PLEKHG4B: variants seen among roughly 807,000 people sequenced by gnomAD.
PLEKHG4B encodes pleckstrin homology and RhoGEF domain containing G4B, also known as pleckstrin homology domain-containing family G member 4B.
A neutral mutation model predicts 121.3 loss-of-function variants in PLEKHG4B; 111 were observed. That is an observed-to-expected ratio of 0.92 (90% CI 0.78 to 1.07). The LOEUF is 1.07. Among genes scored for constraint, PLEKHG4B ranks in the 50% least tolerant of loss-of-function variants. The probability of loss-of-function intolerance (pLI) is 0.00; values close to 1 mark genes in which losing one functional copy is unlikely to be tolerated. For missense variants in PLEKHG4B, 1,831 were observed against 1,757.8 expected, an observed-to-expected ratio of 1.04 and a Z score of -0.74; for synonymous variants, 738 against 725.0, an observed-to-expected ratio of 1.02 and a Z score of -0.29.
At position 99,879 on chromosome 5, in the gene PLEKHG4B, C is replaced by T. The variant is rs181661061; in HGVS notation, c.45+7603C>T. ...TGTGTTTTTCATAAATACCTTTTAT[C>T]ATATGGAGGAAGTTTCTTTCTATTC... On this transcript the variant is annotated intron_variant, in intron 1 of 19. Coordinates refer to ENST00000637938, the MANE Select transcript of PLEKHG4B (RefSeq NM_052909.5). Among the ~76,000 whole-genome samples, 314 of 152,158 alleles carry T rather than the reference C, an allele frequency of 2.1e-3. 1 individual carries two copies. The highest frequency in any genetic ancestry group is 4.5e-3 in the Admixed American group (69 of 15,296).
chr5:152,113 G>C (rs1423619075), intron 7 of PLEKHG4B, among the ~76,000 whole-genome samples: 1 of 150,712 alleles, frequency 6.6e-6, no homozygotes, highest in Non-Finnish European at 1.5e-5. Flanking sequence ...AGCGGGCTTG[G>C]TTTTCTTCAT....
intron 18 of PLEKHG4B, among the ~76,000 whole-genome samples, chr5:175,942 C>T (rs566433699): frequency 6.9e-4 from 49 of 71,398 alleles, no homozygotes; most frequent in Admixed American, 1.3e-3. Flanking sequence ...GGCTCCTGCA[C>T]GGCTGCACCC....
In PLEKHG4B at chr5:183,997, A is replaced by ATAGATAGG. The variant is rs1733525738; in HGVS notation, c.*1681_*1682insGTAGATAG. ...GATAGATAGATAGATAGATCGATAG[A>ATAGATAGG]TAGATAGATAGATAGATAGATAGAT... On this transcript the variant is annotated 3_prime_UTR_variant, in exon 20 of 20. Transcript: ENST00000637938. The ATAGATAGG allele has an allele frequency of 7.1e-6, 1 of 140,584 alleles. No individual in the cohort carries two copies. Among genetic ancestry groups the ATAGATAGG allele is most frequent in the Non-Finnish European group, 1.5e-5 (1 of 65,296 alleles). 8.7% of individuals were successfully genotyped at this position (140,584 alleles called of 1,614,324 possible).
rs768495820 is a variant in PLEKHG4B, at chr5:140,581, A to C, written c.1342A>C (p.Arg448=). The change falls in exon 3 of 20, where the codon AGA becomes CGA. Residue 448 remains arginine, a synonymous_variant. Coordinates refer to ENST00000637938, the MANE Select transcript of PLEKHG4B (RefSeq NM_052909.5). The stretch of plus-strand genomic sequence containing the variant: ...CTGGGAAAGGGCACCCAGAAGCTCC[A>C]GAGGGGCCCAGGCTGCAGCCTGCCA... ...RSWERAPRSS[R]GAQAAACHTS... is the part of the protein sequence containing the mutation. 1 of 1,609,392 alleles carries C rather than the reference A, an allele frequency of 6.2e-7. No homozygotes were observed. The highest frequency in any genetic ancestry group is 1.3e-5 in the African/African-American group (1 of 74,874).
At chr5:130,116 C>G (rs191280122) in intron 2 of PLEKHG4B, among the ~76,000 whole-genome samples, 1 of 151,972 alleles carries the variant, frequency 6.6e-6, no homozygotes, top group Admixed American at 6.5e-5. Context: ...CAGAAAAAGA[C>G]AGACTTACTT....
chr5:181,598 G>T lies in PLEKHG4B; in HGVS notation c.4487G>T (p.Cys1496Phe), dbSNP rs1404887089. Residue 1496 changes from cysteine (C) to phenylalanine (F), a missense_variant, in exon 19 of 20, where the codon TGT (cysteine) becomes TTT (phenylalanine). By Grantham distance (205) the Cys-to-Phe change is radical. Coordinates refer to ENST00000637938, the MANE Select transcript of PLEKHG4B (RefSeq NM_052909.5). ...AAGCCCAGAGACCGGACCCCTGACT[G>T]TGCAGTGATAAGCGACCGGGCTCCC... ...DVKPRDRTPD[C>F]AVISDRAPKC... 1 of 1,613,804 alleles carries T rather than the reference G, an allele frequency of 6.2e-7. No homozygotes were observed. Among genetic ancestry groups the T allele is most frequent in the South Asian group, 1.1e-5 (1 of 91,072 alleles).
At chr5:126,907 G>T (rs1254830715) in intron 2 of PLEKHG4B, among the ~76,000 whole-genome samples, 1 of 152,208 alleles carries the variant, frequency 6.6e-6, no homozygotes, top group Non-Finnish European at 1.5e-5. Flanking sequence ...TGAGGAGGTG[G>T]TATTCCATTT....
In PLEKHG4B at chr5:173,959, CTTGAGGT is replaced by C; in HGVS notation, c.4269_4275del (p.Glu1425GlyfsTer29). The C allele has an allele frequency of 6.2e-7, 1 of 1,613,286 alleles. No individual in the cohort carries two copies. Among genetic ancestry groups the C allele is most frequent in the East Asian group, 2.2e-5 (1 of 44,804 alleles). On this transcript the variant is annotated frameshift_variant, in exon 18 of 20. Coordinates refer to ENST00000637938, the MANE Select transcript of PLEKHG4B (RefSeq NM_052909.5). LOFTEE classifies it high-confidence loss of function. ...TGACAGAGAACGTCGGGGACAGTGGCTTGAGGTTTGAGATTTGGTTTCGCAGGCGGCG... is the reference window on the plus strand; with the variant it reads ...TGACAGAGAACGTCGGGGACAGTGGCTTGAGATTTGGTTTCGCAGGCGGCG...
chr5:134,625 G>T (rs1049112140), intron 2 of PLEKHG4B, among the ~76,000 whole-genome samples: 12 of 151,936 alleles, frequency 7.9e-5, no homozygotes, highest in African/African-American at 2.9e-4. Context: ...AATTAGCCAG[G>T]TATGGTGGCG....
intron 14 of PLEKHG4B, 133 bp from the exon 15 acceptor site, chr5:170,910 A>T: frequency 1.5e-6 from 1 of 670,174 alleles, no homozygotes; most frequent in Non-Finnish European, 2.6e-6. Context: ...TCTCCCTTTC[A>T]CCTGATCATG....
Position 156,159 on chromosome 5 carries a change from G to T in PLEKHG4B, c.2297G>T (p.Gly766Val). ...PLLVSLRLEG[G>V]TVLARLRREE... ...CTTGTGTCTCTCAGGCTGGAGGGGG[G>T]CACCGTCCTGGCGCGGCTGAGGAGA... Residue 766 changes from glycine to valine, a missense_variant, in exon 10 of 20, where the codon GGC becomes GTC. Gly to Val is a moderately radical substitution (Grantham distance 109). Coordinates refer to ENST00000637938, the MANE Select transcript of PLEKHG4B (RefSeq NM_052909.5). This position sits in a 1 kb window ranked among gnomAD's most constrained non-coding sequence, Gnocchi z 4.4. 6.3e-7 allele frequency: 1 copy of T among 1,589,548 alleles called. No homozygotes were observed. The highest frequency in any genetic ancestry group is 8.6e-7 in the Non-Finnish European group (1 of 1,168,170).
At chr5:166,319 G>A (rs1438861404) in intron 13 of PLEKHG4B, among the ~76,000 whole-genome samples, 7 of 46,438 alleles carry the variant, frequency 1.5e-4, no homozygotes, top group Non-Finnish European at 2.9e-4. Flanking sequence ...CTGACGGGGC[G>A]GAGCTCACAC....
Position 97,848 on chromosome 5 carries a change from T to C in PLEKHG4B, c.45+5572T>C, listed in dbSNP as rs116731544. The stretch of plus-strand genomic sequence containing the variant: ...TTCTGTCACAGTTCTGTGTAACTTT[T>C]TGACAGACCACCAGACTCGCTCCAT... On this transcript the variant is annotated intron_variant, in intron 1 of 19. Transcript: ENST00000637938. Among the ~76,000 whole-genome samples the C allele has an allele frequency of 7.3e-3, 1,119 of 152,288 alleles. 27 individuals are homozygous for C. The highest frequency in any genetic ancestry group is 0.025 in the African/African-American group (1,046 of 41,510).
Position 156,935 on chromosome 5 carries a change from G to T in PLEKHG4B, c.2487+24G>T. 6.2e-7 allele frequency: 1 copy of T among 1,609,016 alleles called. No individual in the cohort carries two copies. Among genetic ancestry groups the T allele is most frequent in the Non-Finnish European group, 8.5e-7 (1 of 1,178,364 alleles). ...AGGTCAGAGCTGCAGGAGGAAGGCG[G>T]CCCGGTCAGCATCCCCTCCAGGCCA... On this transcript the variant is annotated intron_variant, in intron 11 of 19. Transcript: ENST00000637938. The surrounding 1 kb of genome is among the most constrained non-coding windows in gnomAD (Gnocchi z 4.4).
intron 2 of PLEKHG4B, among the ~76,000 whole-genome samples, chr5:122,061 G>C (rs913981246): frequency 6.6e-6 from 1 of 152,106 alleles, no homozygotes; most frequent in African/African-American, 2.4e-5. Flanking sequence ...ACTACTGAAA[G>C]GTTATTACAT....
chr5:164,779 C>T (rs1218276201), intron 13 of PLEKHG4B, among the ~76,000 whole-genome samples: 1 of 134,016 alleles, frequency 7.5e-6, no homozygotes, highest in Non-Finnish European at 1.6e-5. Flanking sequence ...GCGGAGCTCA[C>T]ACTAATGCTC....
rs7727015 is a variant in PLEKHG4B at position 185,383 on chromosome 5, C to T, written c.*3060C>T. 64,905 of 152,142 alleles carry T rather than the reference C, an allele frequency of 0.43. 15,564 individuals carry two copies. Among genetic ancestry groups the T allele is most frequent in the Non-Finnish European group, 0.55 (37,453 of 68,006 alleles). The allele number at this position is 152,142 out of a possible 1,614,324, so 9.4% of individuals were successfully genotyped here. ...CAGTGGATCGTATGTCGCTTAAATC[C>T]CAACAAAGCAGTATTTTTTTAAAGT... is the stretch of plus-strand genomic sequence containing the variant. On this transcript the variant is annotated 3_prime_UTR_variant, in exon 20 of 20. Transcript: ENST00000637938.
At chr5:100,981 T>C (rs374672133) in intron 1 of PLEKHG4B, among the ~76,000 whole-genome samples, 119 of 84,456 alleles carry the variant, frequency 1.4e-3, no homozygotes, top group African/African-American at 2.8e-3. Flanking sequence ...CTGGAAAAAG[T>C]CTGTAGGGGA....
At chr5:164,881 C>CA (rs1326058928) in intron 13 of PLEKHG4B, among the ~76,000 whole-genome samples, 3 of 71,722 alleles carry the variant, frequency 4.2e-5, no homozygotes, top group Non-Finnish European at 6.1e-5. Flanking sequence ...AATGCTCTGA[C>CA]GGGGCGGAGC....
Sources: gnomAD v4.1 joint callset for allele counts (sites outside exome capture counted in the v4.1 genomes callset) on GRCh38, gnomAD v4.1.1 for gene constraint, Gnocchi (gnomAD v3.1) non-coding constraint, MANE v1.5 for transcripts, NCBI Gene and HGNC (gene_info 2026-07-23, HGNC 2026-07-21) for gene names.